GRM7: variants seen among roughly 807,000 people sequenced by gnomAD.
GRM7 encodes metabotropic glutamate receptor 7.
In GRM7, 35 loss-of-function variants were observed where a neutral mutation model predicts 84.5. That is an observed-to-expected ratio of 0.41 (90% confidence interval 0.32 to 0.55). The LOEUF is 0.55. Among genes scored for constraint, GRM7 ranks in the 20% least tolerant of loss-of-function variants. The pLI, the probability that GRM7 is intolerant of heterozygous loss-of-function variation, is 0.19. For missense variants in GRM7, 1,003 were observed against 1,194.6 expected (o/e 0.84, Z 2.36); for synonymous variants, 487 against 455.1 (o/e 1.07, Z -0.89).
In GRM7 at chr3:7,146,535, C is replaced by G; in HGVS notation, c.603C>G (p.Pro201=). 1.2e-6 allele frequency: 2 copies of G among 1,613,964 alleles called. No individual in the cohort carries two copies. The highest frequency in any genetic ancestry group is 1.7e-6 in the Non-Finnish European group (2 of 1,179,922). ...RYDFFSRVVP[P]DSFQAQAMVD... is the part of the protein sequence containing the mutation. The stretch of plus-strand genomic sequence containing the variant: ...ACTTCTTCTCTCGCGTGGTGCCACC[C>G]GATTCCTTCCAAGCCCAGGCCATGG... The change falls in exon 2 of 10, where the codon CCC becomes CCG. Residue 201 remains proline (P), a synonymous_variant. Coordinates refer to ENST00000357716, the MANE Select transcript of GRM7 (RefSeq NM_000844.4).
At chr3:7,661,790 G>A (rs773938130) in intron 8 of GRM7, among the ~76,000 whole-genome samples, 45 of 7,072 alleles carry the variant, frequency 6.4e-3, no homozygotes, top group South Asian at 0.016. Flanking sequence ...CGAGGTCTCC[G>A]TCTCAAAAAA....
chr3:7,487,843 C>T (rs542933201), intron 7 of GRM7, among the ~76,000 whole-genome samples: 175 of 152,262 alleles, frequency 1.1e-3, no homozygotes, highest in African/African-American at 3.9e-3. Context: ...CTCACAACCC[C>T]AGAATTGTAG....
chr3:7,352,479 G>A (rs976865068), intron 4 of GRM7, among the ~76,000 whole-genome samples: 5 of 152,096 alleles, frequency 3.3e-5, no homozygotes, highest in African/African-American at 1.2e-4. Context: ...ATGTTTCTAA[G>A]TATGCCCTGA....
At chr3:6,968,281 T>A (rs1693605895) in intron 1 of GRM7, among the ~76,000 whole-genome samples, 1 of 152,212 alleles carries the variant, frequency 6.6e-6, no homozygotes, top group Non-Finnish European at 1.5e-5. Context: ...TGCCTGTCTG[T>A]CTCTGTGTCG....
At chr3:7,090,202 G>A (rs1698613617) in intron 1 of GRM7, among the ~76,000 whole-genome samples, 1 of 152,130 alleles carries the variant, frequency 6.6e-6, no homozygotes, top group African/African-American at 2.4e-5. Flanking sequence ...ATTTTAAAAA[G>A]GAATAAGCAT....
intron 1 of GRM7, among the ~76,000 whole-genome samples, chr3:6,962,058 T>A (rs956546648): frequency 8.5e-5 from 13 of 152,202 alleles, no homozygotes; most frequent in African/African-American, 3.1e-4. Context: ...TGAGGTTTCA[T>A]CTCCACATCT....
At chr3:7,078,971 A>G (rs956935314) in intron 1 of GRM7, among the ~76,000 whole-genome samples, 1 of 152,028 alleles carries the variant, frequency 6.6e-6, no homozygotes, top group Non-Finnish European at 1.5e-5. Flanking sequence ...TTTTTGAGAA[A>G]ATTTTGTTTT....
At chr3:7,026,331 A>G (rs373273118) in intron 1 of GRM7, among the ~76,000 whole-genome samples, 2 of 152,204 alleles carry the variant, frequency 1.3e-5, no homozygotes, top group East Asian at 3.9e-4. Flanking sequence ...GTTTAAAAGA[A>G]ATACCATCAT....
At chr3:7,034,970 G>A (rs1172269947) in intron 1 of GRM7, among the ~76,000 whole-genome samples, 1 of 152,184 alleles carries the variant, frequency 6.6e-6, no homozygotes, top group East Asian at 1.9e-4. Context: ...AGTCAGGCTT[G>A]TACAGAGAAC....
intron 7 of GRM7, among the ~76,000 whole-genome samples, chr3:7,569,002 C>G (rs1224472355): frequency 6.6e-6 from 1 of 152,194 alleles, no homozygotes. Flanking sequence ...AACTGGCAGG[C>G]AGCTCCACCT....
chr3:7,399,523 A>G (rs1177540032), intron 4 of GRM7, among the ~76,000 whole-genome samples: 1 of 152,146 alleles, frequency 6.6e-6, no homozygotes, highest in Non-Finnish European at 1.5e-5. Flanking sequence ...AAATGGGGAT[A>G]AGGTAGTACT....
At chr3:7,352,108 CTATTT>C (rs1447617147) in intron 4 of GRM7, among the ~76,000 whole-genome samples, 1 of 147,302 alleles carries the variant, frequency 6.8e-6, no homozygotes, top group East Asian at 2.0e-4. Context: ...CACTCATATT[CTATTT>C]TGTCTGTCTG....
chr3:7,303,750 T>C (rs1700090243), intron 3 of GRM7, among the ~76,000 whole-genome samples: 1 of 152,100 alleles, frequency 6.6e-6, no homozygotes, highest in South Asian at 2.1e-4. Flanking sequence ...AGTTGCCTTA[T>C]TTTTCCCGAA....
At chr3:7,612,601 G>A (rs1696894458) in intron 8 of GRM7, among the ~76,000 whole-genome samples, 1 of 152,304 alleles carries the variant, frequency 6.6e-6, no homozygotes, top group South Asian at 2.1e-4. Flanking sequence ...TAATAGCTGT[G>A]TTCAAACACT....
At chr3:7,286,349 A>G (rs1699431167) in intron 2 of GRM7, among the ~76,000 whole-genome samples, 1 of 152,116 alleles carries the variant, frequency 6.6e-6, no homozygotes, top group Admixed American at 6.6e-5. Context: ...GACTTGTTAT[A>G]CTCTGGAGAG....
At chr3:7,180,280 TG>T (rs1266489900) in intron 2 of GRM7, among the ~76,000 whole-genome samples, 5 of 152,312 alleles carry the variant, frequency 3.3e-5, no homozygotes, top group African/African-American at 1.2e-4. Context: ...TGGCCAGGAT[TG>T]ATATTAATAG....
chr3:6,947,026 T>G (rs939672630), intron 1 of GRM7, among the ~76,000 whole-genome samples: 5 of 152,206 alleles, frequency 3.3e-5, no homozygotes, highest in African/African-American at 1.2e-4. Flanking sequence ...CTTCTTTTCC[T>G]AATTGAATGC....
intron 2 of GRM7, among the ~76,000 whole-genome samples, chr3:7,202,138 T>G (rs1340710930): frequency 6.6e-6 from 1 of 152,128 alleles, no homozygotes; most frequent in Non-Finnish European, 1.5e-5. Flanking sequence ...TTGTCTCAAA[T>G]TAAAGGCTAT....
At chr3:6,913,360 C>G (rs753836490) in intron 1 of GRM7, among the ~76,000 whole-genome samples, 1 of 152,068 alleles carries the variant, frequency 6.6e-6, no homozygotes, top group Non-Finnish European at 1.5e-5. Flanking sequence ...TCATATCTTG[C>G]ATTCATCAAT....
Sources: allele counts gnomAD v4.1 joint callset (sites outside exome capture counted in the v4.1 genomes callset), GRCh38; gene constraint gnomAD v4.1.1; transcripts MANE v1.5; gene names NCBI Gene and HGNC (gene_info 2026-07-23, HGNC 2026-07-21).